Variants in ZFAT observed in about 807,000 individuals in gnomAD.
ZFAT encodes zinc finger and AT-hook domain containing, also known as zinc finger protein ZFAT.
ZFAT carries 64 observed loss-of-function variants against 117.7 expected under a neutral mutation model. The ratio of observed to expected loss-of-function variants is 0.54; its 90% CI spans 0.44 to 0.67. The LOEUF (loss-of-function observed/expected upper bound fraction) is 0.67, where lower values mean the gene tolerates loss of function less well. Among genes scored for constraint, ZFAT ranks in the 30% least tolerant of loss-of-function variants. The pLI, the probability that ZFAT is intolerant of heterozygous loss-of-function variation, is 0.00. For missense variants in ZFAT, 1,433 were observed against 1,584.5 expected (o/e 0.90, Z 1.62); for synonymous variants, 679 against 615.0 (o/e 1.10, Z -1.54).
chr8:134,759,223 T>C, the ZFAT span, among the ~76,000 whole-genome samples: 1 of 152,210 alleles, frequency 6.6e-6, no homozygotes, highest in African/African-American at 2.4e-5. Flanking sequence ...TATTTGACCC[T>C]CACAACGGAC....
chr8:134,480,417 GT>G (rs1817218327), intron 15 of ZFAT, among the ~76,000 whole-genome samples: 1 of 152,224 alleles, frequency 6.6e-6, no homozygotes, highest in African/African-American at 2.4e-5. Context: ...GGTCACAACT[GT>G]TTCCCCAGAG....
At chr8:134,638,161 A>C (rs1340516377) in intron 2 of ZFAT, among the ~76,000 whole-genome samples, 1 of 152,210 alleles carries the variant, frequency 6.6e-6, no homozygotes, top group Non-Finnish European at 1.5e-5. Flanking sequence ...AGATTATTTC[A>C]AGGAGTCATA....
chr8:134,831,672 C>A, the ZFAT span, among the ~76,000 whole-genome samples: 3 of 152,242 alleles, frequency 2.0e-5, no homozygotes, highest in Non-Finnish European at 4.4e-5. Context: ...GCCCGGTCCC[C>A]CCACTTCACG....
chr8:134,518,956 T>C (rs1056922522), intron 13 of ZFAT, among the ~76,000 whole-genome samples: 4 of 152,282 alleles, frequency 2.6e-5, no homozygotes, highest in Middle Eastern at 3.4e-3. Context: ...TAAATTTCCA[T>C]ATGTCATTGG....
chr8:134,695,275 G>C (rs1833770951), intron 1 of ZFAT, among the ~76,000 whole-genome samples: 1 of 151,982 alleles, frequency 6.6e-6, no homozygotes, highest in Non-Finnish European at 1.5e-5. Flanking sequence ...CTCCCAGTAG[G>C]GCCCCTGGCC....
chr8:134,531,456 G>GA (rs1176097495), intron 12 of ZFAT, among the ~76,000 whole-genome samples: 2 of 152,118 alleles, frequency 1.3e-5, no homozygotes, highest in Non-Finnish European at 2.9e-5. Context: ...TAGATGTTCC[G>GA]AAAAAAATAT....
At chr8:134,611,397 G>C (rs187474666) in intron 3 of ZFAT, among the ~76,000 whole-genome samples, 36 of 152,362 alleles carry the variant, frequency 2.4e-4, no homozygotes, top group African/African-American at 7.7e-4. Context: ...GTATAAACCA[G>C]TGCCCAAGTA....
chr8:134,590,235 A>C (rs1382493809), intron 8 of ZFAT, 33 bp downstream of exon 8: 1 of 1,533,950 alleles, frequency 6.5e-7, no homozygotes, highest in Non-Finnish European at 9.0e-7. Context: ...CATTTTTAAC[A>C]TTAATCTTCC....
intron 10 of ZFAT, among the ~76,000 whole-genome samples, chr8:134,581,599 G>T (rs73365314): frequency 0.021 from 3,269 of 152,188 alleles, 137 homozygotes; most frequent in African/African-American, 0.075. Context: ...GGCAGGGGGG[G>T]TGTAGGGAAT....
At chr8:134,651,210 T>G (rs1831219314) in intron 2 of ZFAT, among the ~76,000 whole-genome samples, 1 of 152,184 alleles carries the variant, frequency 6.6e-6, no homozygotes, top group Admixed American at 6.5e-5. Flanking sequence ...AAAACAAATA[T>G]TCATGTGAAA....
chr8:134,802,370 G>T, the ZFAT span, among the ~76,000 whole-genome samples: 1 of 152,178 alleles, frequency 6.6e-6, no homozygotes, highest in African/African-American at 2.4e-5. Context: ...GAGTAGAAGG[G>T]AATCACAGAA....
chr8:134,668,055 G>A (rs1832330886), intron 1 of ZFAT, among the ~76,000 whole-genome samples: 1 of 152,166 alleles, frequency 6.6e-6, no homozygotes, highest in African/African-American at 2.4e-5. Context: ...CACTGAGGCT[G>A]GGGAAGGGGT....
chr8:134,503,950 A>G (rs569596327), intron 15 of ZFAT, among the ~76,000 whole-genome samples: 54 of 152,068 alleles, frequency 3.6e-4, no homozygotes, highest in African/African-American at 1.2e-3. Context: ...GCACACGAAC[A>G]CACACACACC....
chr8:134,717,466 C>CTTTTTTTTTTTTT (rs746460924), upstream of ZFAT, among the ~76,000 whole-genome samples: 352 of 19,352 alleles, frequency 0.018, 153 homozygotes, highest in Non-Finnish European at 0.029. Flanking sequence ...AATAACAACT[C>CTTTTTTTTTTTTT]TTTTTTTTTT....
Position 134,520,939 on chromosome 8 carries a change from A to C in ZFAT, c.3178T>G (p.Leu1060Val). Residue 1060 changes from leucine to valine, a missense_variant, in exon 13 of 16, where the codon TTG becomes GTG. Coordinates refer to ENST00000377838, the MANE Select transcript of ZFAT (RefSeq NM_020863.4). ...YGTKWEFNRH[L>V]KNKHGLKVVE... Reference sequence around the variant, plus strand: ...ACCTTCAAGCCATGTTTGTTCTTCAAGTGCCTATTGAACTCCCATTTGGTG... The same window carrying C: ...ACCTTCAAGCCATGTTTGTTCTTCACGTGCCTATTGAACTCCCATTTGGTG... 1 of 1,613,986 alleles carries C rather than the reference A, an allele frequency of 6.2e-7. No individual in the cohort carries two copies. Among genetic ancestry groups the C allele is most frequent in the Non-Finnish European group, 8.5e-7 (1 of 1,179,866 alleles).
chr8:134,782,766 A>G, the ZFAT span, among the ~76,000 whole-genome samples: 8 of 152,006 alleles, frequency 5.3e-5, no homozygotes, highest in South Asian at 2.1e-4. Flanking sequence ...ACGTGGAACT[A>G]TGAGTCCATT....
At chr8:134,736,835 G>A in the ZFAT span, among the ~76,000 whole-genome samples, 1 of 151,920 alleles carries the variant, frequency 6.6e-6, no homozygotes, top group Admixed American at 6.6e-5. Flanking sequence ...ATTCTCCCAC[G>A]TCAGCCTCCC....
At chr8:134,824,096 G>A in the ZFAT span, among the ~76,000 whole-genome samples, 5 of 152,284 alleles carry the variant, frequency 3.3e-5, no homozygotes, top group East Asian at 5.8e-4. Context: ...GGGAGGCCAC[G>A]GTTACAAAAC....
the ZFAT span, among the ~76,000 whole-genome samples, chr8:134,737,016 C>T: frequency 4.6e-5 from 7 of 152,276 alleles, no homozygotes; most frequent in African/African-American, 1.2e-4. Flanking sequence ...CGTGGTGGCT[C>T]ACGCCTATAA....
Sources: allele counts gnomAD v4.1 joint callset (sites outside exome capture counted in the v4.1 genomes callset), GRCh38; gene constraint gnomAD v4.1.1; transcripts MANE v1.5; gene names NCBI Gene and HGNC (gene_info 2026-07-23, HGNC 2026-07-21).